Variants in ROBO2 observed in about 807,000 individuals in gnomAD.
The protein encoded by ROBO2 is roundabout guidance receptor 2, also known as roundabout homolog 2.
ROBO2 carries 53 observed loss-of-function variants against 160.8 expected under a neutral mutation model. That is an observed-to-expected ratio of 0.33 (90% CI 0.26 to 0.41). ROBO2 has a LOEUF of 0.41. Among genes scored for constraint, ROBO2 ranks in the 10% least tolerant of loss-of-function variants. ROBO2 has a pLI of 1.00. For synonymous variants in ROBO2, 664 were observed against 611.7 expected (o/e 1.09, Z -1.26); for missense variants, 1,577 against 1,722.4 (o/e 0.92, Z 1.49).
chr3:76,482,406 C>T (rs886820531), intron 2 of ROBO2, among the ~76,000 whole-genome samples: 25 of 152,032 alleles, frequency 1.6e-4, no homozygotes, highest in Admixed American at 5.2e-4. Context: ...ATGCAAAAAC[C>T]ATTAGTGTCT....
At chr3:76,736,913 A>C (rs1428578452) in intron 2 of ROBO2, among the ~76,000 whole-genome samples, 2 of 152,168 alleles carry the variant, frequency 1.3e-5, no homozygotes, top group Non-Finnish European at 2.9e-5. Flanking sequence ...GTAATCTAAA[A>C]TATGTGAGGC....
chr3:77,328,851 C>T (rs1414731760), intron 2 of ROBO2, among the ~76,000 whole-genome samples: 3 of 152,184 alleles, frequency 2.0e-5, no homozygotes, highest in African/African-American at 7.2e-5. Flanking sequence ...AAGAATGCAT[C>T]CCATCTGATA....
intron 2 of ROBO2, among the ~76,000 whole-genome samples, chr3:77,333,825 A>C (rs1265857067): frequency 2.0e-5 from 3 of 152,236 alleles, no homozygotes; most frequent in African/African-American, 7.2e-5. Flanking sequence ...CTTTTCAGGA[A>C]GAAAATGTAT....
At position 76,046,696 on chromosome 3, in the gene ROBO2, AAC is replaced by A. The variant is rs2067465094; in HGVS notation, c.109+109098_109+109099del. Reference sequence around the variant, plus strand: ...GACTGGACCACATCATACTGGGCCCAACACAGTCGCTTCTTACTGAACTACTT... The same window carrying A: ...GACTGGACCACATCATACTGGGCCCAACAGTCGCTTCTTACTGAACTACTT... On this transcript the variant is annotated intron_variant, in intron 2 of 26. Coordinates refer to the ROBO2 transcript ENST00000487694. 2.0e-5 allele frequency among the ~76,000 whole-genome samples: 3 copies of A among 152,156 alleles called. No homozygotes were observed. The South Asian group carries it at 6.2e-4, about 31-fold the overall frequency.
intron 2 of ROBO2, among the ~76,000 whole-genome samples, chr3:77,379,475 ACT>A (rs1581490382): frequency 6.6e-6 from 1 of 152,076 alleles, no homozygotes; most frequent in Admixed American, 6.5e-5. Flanking sequence ...AAAGTCAATG[ACT>A]CTGACACCAT....
chr3:76,949,832 C>A (rs2078854164), intron 2 of ROBO2, among the ~76,000 whole-genome samples: 1 of 152,166 alleles, frequency 6.6e-6, no homozygotes, highest in South Asian at 2.1e-4. Flanking sequence ...AGCACAGACC[C>A]AGGAGTTCAA....
At chr3:77,295,747 T>G (rs546131324) in intron 2 of ROBO2, among the ~76,000 whole-genome samples, 305 of 150,672 alleles carry the variant, frequency 2.0e-3, no homozygotes, top group African/African-American at 7.1e-3. Flanking sequence ...ACGGGTAAGC[T>G]GAGGCTAGAT....
chr3:77,520,160 A>G (rs1324448939), intron 5 of ROBO2, among the ~76,000 whole-genome samples: 1 of 151,344 alleles, frequency 6.6e-6, no homozygotes, highest in East Asian at 1.9e-4. Context: ...CTATAACTAA[A>G]TATTTGCTGA....
At chr3:76,220,851 T>G (rs143991185) in intron 2 of ROBO2, among the ~76,000 whole-genome samples, 2 of 152,336 alleles carry the variant, frequency 1.3e-5, no homozygotes, top group South Asian at 2.1e-4. Context: ...TAGCTGGTAT[T>G]TGTAACCACC....
Position 76,926,433 on chromosome 3 carries a change from T to C in ROBO2, c.110-171581T>C, listed in dbSNP as rs183724822. On this transcript the variant is annotated intron_variant, in intron 2 of 26. Transcript: ENST00000487694. ...ATCAGTGAATCCCTTTAGGTTCTTT[T>C]AGAGATTTTTATCTTTGCATTGATT... 7.0e-3 allele frequency among the ~76,000 whole-genome samples: 1,061 copies of C among 152,312 alleles called. 3 individuals are homozygous for C. The highest frequency in any genetic ancestry group is 0.011 in the Non-Finnish European group (754 of 68,020).
At chr3:77,335,841 A>T (rs913802233) in intron 2 of ROBO2, among the ~76,000 whole-genome samples, 2 of 152,248 alleles carry the variant, frequency 1.3e-5, no homozygotes, top group Non-Finnish European at 2.9e-5. Context: ...GATAGAAGAG[A>T]GAGATATCCA....
chr3:76,629,341 C>T (rs956279791), intron 2 of ROBO2, among the ~76,000 whole-genome samples: 2 of 152,080 alleles, frequency 1.3e-5, no homozygotes, highest in African/African-American at 4.8e-5. Context: ...TAATAGATGT[C>T]TACATTAAGA....
chr3:75,983,982 C>T (rs1489417259), intron 2 of ROBO2, among the ~76,000 whole-genome samples: 1 of 151,396 alleles, frequency 6.6e-6, no homozygotes, highest in Non-Finnish European at 1.5e-5. Flanking sequence ...CTTATGTGCT[C>T]TTTTAGAAAT....
At position 76,831,533 on chromosome 3, in the gene ROBO2, C is replaced by T. The variant is rs914577856; in HGVS notation, c.110-266481C>T. Among the ~76,000 whole-genome samples the T allele has an allele frequency of 2.6e-5, 4 of 152,158 alleles. No individual in the cohort carries two copies. In the South Asian group the frequency reaches 6.2e-4, roughly 24 times the overall value. Reference sequence around the variant, plus strand: ...AAAAATATGAGGCCATGTTTTTCAGCTCCATTAAAATTTTCTATAATAATA... The same window carrying T: ...AAAAATATGAGGCCATGTTTTTCAGTTCCATTAAAATTTTCTATAATAATA... On this transcript the variant is annotated intron_variant, in intron 2 of 26. Transcript: ENST00000487694.
At chr3:76,100,884 G>A (rs1429007098) in intron 2 of ROBO2, among the ~76,000 whole-genome samples, 2 of 152,148 alleles carry the variant, frequency 1.3e-5, no homozygotes, top group African/African-American at 4.8e-5. Context: ...TGCCTATGAT[G>A]TACCAAGTAC....
At chr3:77,091,189 A>G (rs2070197501) in intron 1 of ROBO2, among the ~76,000 whole-genome samples, 2 of 152,186 alleles carry the variant, frequency 1.3e-5, no homozygotes, top group South Asian at 4.1e-4. Context: ...TCAATGAGGC[A>G]GAGACATTTA....
At chr3:76,280,762 T>A (rs1274551924) in intron 2 of ROBO2, among the ~76,000 whole-genome samples, 1 of 152,020 alleles carries the variant, frequency 6.6e-6, no homozygotes, top group Non-Finnish European at 1.5e-5. Context: ...AACAGTGGGC[T>A]CTTGTATTTA....
chr3:76,742,509 C>A (rs2093818998), intron 2 of ROBO2, among the ~76,000 whole-genome samples: 1 of 152,046 alleles, frequency 6.6e-6, no homozygotes, highest in African/African-American at 2.4e-5. Flanking sequence ...TTTTCATATT[C>A]CATTTAATTC....
At chr3:76,840,030 G>T (rs982728495) in intron 2 of ROBO2, among the ~76,000 whole-genome samples, 1 of 151,790 alleles carries the variant, frequency 6.6e-6, no homozygotes, top group Non-Finnish European at 1.5e-5. Flanking sequence ...TTTCATCTTT[G>T]ATTTTATTTG....
Sources: allele counts gnomAD v4.1 joint callset (sites outside exome capture counted in the v4.1 genomes callset), GRCh38; gene constraint gnomAD v4.1.1; transcripts MANE v1.5; gene names NCBI Gene and HGNC (gene_info 2026-07-23, HGNC 2026-07-21).